The following CSMD1 variants were observed in gnomAD, a reference collection of about 807,000 sequenced individuals.
CSMD1 encodes the protein CUB and Sushi multiple domains 1.
Under a neutral mutation model 417.5 loss-of-function variants are expected in CSMD1, and 213 were observed. The ratio of observed to expected loss-of-function variants is 0.51; its 90% CI spans 0.46 to 0.57. The LOEUF is 0.57. Ranked by LOEUF, CSMD1 falls within the 20% of genes least tolerant of loss-of-function variation. The probability of loss-of-function intolerance (pLI) is 0.00; values close to 1 mark genes in which losing one functional copy is unlikely to be tolerated. For missense variants in CSMD1, 6,923 were observed against 4,529.7 expected (o/e 1.53, Z -15.17); for synonymous variants, 2,862 against 1,736.8 (o/e 1.65, Z -16.11).
intron 10 of CSMD1, among the ~76,000 whole-genome samples, chr8:3,537,627 T>C (rs556880144): frequency 1.3e-4 from 20 of 152,370 alleles, no homozygotes; most frequent in African/African-American, 4.6e-4. Flanking sequence ...TTTCCTTTAA[T>C]GAAATTTATG....
chr8:3,146,645 G>A (rs941080533), intron 40 of CSMD1, among the ~76,000 whole-genome samples: 90 of 152,198 alleles, frequency 5.9e-4, no homozygotes, highest in Admixed American at 5.8e-3. Context: ...GAGTTCCCTT[G>A]GTCATTTTGA....
In CSMD1 at chr8:4,032,022, C is replaced by G. The variant is rs1183870356; in HGVS notation, c.493G>C (p.Asp165His). ...VLHGTRFNIG[D>H]KIRYSCLPGY... ...GGGAGGCAGCTGTACCGGATTTTGT[C>G]TCCTATGTTGAATCTCGTTCCATGC... The change falls in exon 4 of 70, where the codon GAC becomes CAC. Residue 165 changes from aspartate (D) to histidine (H), a missense_variant. Physicochemically the swap from Asp to His is moderately conservative, Grantham distance 81. Transcript: ENST00000635120. The G allele has an allele frequency of 2.5e-6, 4 of 1,613,974 alleles. No individual in the cohort carries two copies. The highest frequency in any genetic ancestry group is 1.7e-6 in the Non-Finnish European group (2 of 1,179,880).
chr8:3,873,944 G>C (rs564205920), intron 5 of CSMD1, among the ~76,000 whole-genome samples: 118 of 152,290 alleles, frequency 7.7e-4, no homozygotes, highest in Middle Eastern at 3.4e-3. Context: ...ATTCTGAAAA[G>C]AGAACAGTGC....
At chr8:3,572,052 G>A (rs1000045230) in intron 10 of CSMD1, among the ~76,000 whole-genome samples, 4 of 152,196 alleles carry the variant, frequency 2.6e-5, no homozygotes, top group Non-Finnish European at 5.9e-5. Context: ...AATTCCACCT[G>A]TGAGTGGTAT....
At chr8:4,124,111 C>T (rs1008269918) in intron 3 of CSMD1, among the ~76,000 whole-genome samples, 2 of 151,810 alleles carry the variant, frequency 1.3e-5, no homozygotes, top group African/African-American at 4.8e-5. Flanking sequence ...GAAAGAAAAA[C>T]TATTTTCTGC....
At chr8:3,586,354 C>G in intron 8 of CSMD1, 94 bp from the exon 9 acceptor site, 2 of 1,256,980 alleles carry the variant, frequency 1.6e-6, no homozygotes, top group Non-Finnish European at 2.2e-6. Flanking sequence ...CTGCTACGAT[C>G]TTGTTCAGTT....
chr8:4,769,122 G>A (rs920171786), intron 1 of CSMD1, among the ~76,000 whole-genome samples: 1 of 152,130 alleles, frequency 6.6e-6, no homozygotes, highest in Non-Finnish European at 1.5e-5. Context: ...AAATCTACTT[G>A]CTCTATGACC....
chr8:3,595,158 G>T (rs990084963), intron 8 of CSMD1, among the ~76,000 whole-genome samples: 14 of 152,144 alleles, frequency 9.2e-5, no homozygotes, highest in African/African-American at 3.1e-4. Flanking sequence ...TCACCGGATG[G>T]CCTCTGCTGA....
At chr8:4,824,327 T>C (rs573566610) in intron 1 of CSMD1, among the ~76,000 whole-genome samples, 1 of 152,140 alleles carries the variant, frequency 6.6e-6, no homozygotes, top group East Asian at 1.9e-4. Flanking sequence ...TGTTATTTGG[T>C]TGGGAGGTAG....
intron 2 of CSMD1, among the ~76,000 whole-genome samples, chr8:4,520,472 T>C (rs973608752): frequency 1.3e-5 from 2 of 152,102 alleles, no homozygotes; most frequent in African/African-American, 2.4e-5. Context: ...TAATAAGACA[T>C]GGGAAGATGA....
chr8:2,982,407 T>C (rs922006775), intron 54 of CSMD1, among the ~76,000 whole-genome samples: 2 of 152,144 alleles, frequency 1.3e-5, no homozygotes, highest in Admixed American at 6.6e-5. Context: ...TAAGGTCCTA[T>C]TGTTTATTCT....
At chr8:4,596,973 G>A (rs934311880) in intron 2 of CSMD1, among the ~76,000 whole-genome samples, 6 of 152,142 alleles carry the variant, frequency 3.9e-5, no homozygotes, top group Non-Finnish European at 8.8e-5. Flanking sequence ...CTCCATGTTA[G>A]AAGTGCCTCT....
intron 5 of CSMD1, among the ~76,000 whole-genome samples, chr8:3,817,330 G>C (rs1801442238): frequency 1.6e-5 from 2 of 128,078 alleles, no homozygotes; most frequent in Middle Eastern, 6.0e-3. Flanking sequence ...ACCCAGGCTG[G>C]AGTACAGTGG....
In CSMD1 at chr8:4,926,549, T is replaced by C. The variant is rs756884980; in HGVS notation, c.85+67783A>G. Among the ~76,000 whole-genome samples, 3 of 152,302 alleles carry C rather than the reference T, an allele frequency of 2.0e-5. No homozygotes were observed. The East Asian group carries it at 5.8e-4, about 29-fold the overall frequency. On this transcript the variant is annotated intron_variant, in intron 1 of 69. Coordinates refer to ENST00000635120, the MANE Select transcript of CSMD1 (RefSeq NM_033225.6). ...TTTTTAATTAACCTCCTTATTTAGG[T>C]ACAGATGTGATATAGCCTTGGGGAA...
intron 1 of CSMD1, among the ~76,000 whole-genome samples, chr8:4,884,687 A>C (rs1803621501): frequency 6.6e-6 from 1 of 152,058 alleles, no homozygotes; most frequent in African/African-American, 2.4e-5. Flanking sequence ...CAGAAAAATA[A>C]GGGTTTATTT....
intron 1 of CSMD1, among the ~76,000 whole-genome samples, chr8:4,644,306 T>G (rs1295691150): frequency 6.6e-6 from 1 of 152,178 alleles, no homozygotes; most frequent in East Asian, 1.9e-4. Context: ...TTTGCCCAGA[T>G]TTTTTCATTG....
chr8:3,692,653 G>A (rs1247713583), intron 7 of CSMD1, among the ~76,000 whole-genome samples: 1 of 151,902 alleles, frequency 6.6e-6, no homozygotes, highest in Non-Finnish European at 1.5e-5. Flanking sequence ...GGCTGGTCTC[G>A]AACCCCTGAC....
intron 3 of CSMD1, among the ~76,000 whole-genome samples, chr8:4,092,989 G>A (rs1252976005): frequency 6.6e-6 from 1 of 151,884 alleles, no homozygotes. Flanking sequence ...TACATAGTGG[G>A]GGTCAAAGAA....
intron 3 of CSMD1, among the ~76,000 whole-genome samples, chr8:4,215,684 A>G (rs1055607993): frequency 4.6e-5 from 7 of 152,210 alleles, no homozygotes; most frequent in Non-Finnish European, 1.0e-4. Flanking sequence ...AAAAACACAG[A>G]CTTTAATATG....
Sources: allele counts gnomAD v4.1 joint callset (sites outside exome capture counted in the v4.1 genomes callset), GRCh38; gene constraint gnomAD v4.1.1; transcripts MANE v1.5; gene names NCBI Gene and HGNC (gene_info 2026-07-23, HGNC 2026-07-21).